TNIP3: variants seen among roughly 807,000 people sequenced by gnomAD.
TNIP3 encodes the protein TNFAIP3-interacting protein 3.
TNIP3 carries 34 observed loss-of-function variants against 54.1 expected under a neutral mutation model. The ratio of observed to expected loss-of-function variants is 0.63; its 90% CI spans 0.48 to 0.84. The LOEUF (loss-of-function observed/expected upper bound fraction) is 0.84. Among genes scored for constraint, TNIP3 ranks in the 40% least tolerant of loss-of-function variants. The probability of loss-of-function intolerance (pLI) is 0.00; values close to 1 mark genes in which losing one functional copy is unlikely to be tolerated. For missense variants in TNIP3, 366 were observed against 387.6 expected (o/e 0.94, Z 0.47); for synonymous variants, 134 against 136.8 (o/e 0.98, Z 0.14).
chr4:121,170,502 C>T (rs1250869253), intron 3 of TNIP3, among the ~76,000 whole-genome samples: 2 of 152,090 alleles, frequency 1.3e-5, no homozygotes, highest in African/African-American at 2.4e-5. Flanking sequence ...TCTTTTTATT[C>T]ATTTTATAGG....
intron 10 of TNIP3, among the ~76,000 whole-genome samples, chr4:121,136,205 T>A (rs1450642612): frequency 6.6e-6 from 1 of 152,200 alleles, no homozygotes. Flanking sequence ...ATATTCTAAA[T>A]GTCAAATGAG....
chr4:121,132,213 AACACAC>A lies in TNIP3; in HGVS notation c.*412_*417del, dbSNP rs10561132. ...AACTGCAGAAATTTTTACCCCAGGA[AACACAC>A]ACACACACACACACACACACACACA... On this transcript the variant is annotated 3_prime_UTR_variant, in exon 11 of 11. Transcript: ENST00000057513. 0.013 allele frequency: 1,963 copies of A among 147,028 alleles called. 27 individuals are homozygous for A. Among genetic ancestry groups the A allele is most frequent in the African/African-American group, 0.035 (1,401 of 39,670 alleles). The allele number at this position is 147,028 out of a possible 1,614,324, so 9.1% of individuals were successfully genotyped here.
At chr4:121,200,499 G>A (rs988309670) in intron 2 of TNIP3, among the ~76,000 whole-genome samples, 3 of 152,030 alleles carry the variant, frequency 2.0e-5, no homozygotes, top group East Asian at 1.9e-4. Flanking sequence ...GCAGCTGTGG[G>A]GTCCCTGGCA....
At chr4:121,204,323 A>G (rs1364661863) in intron 2 of TNIP3, among the ~76,000 whole-genome samples, 1 of 152,060 alleles carries the variant, frequency 6.6e-6, no homozygotes, top group African/African-American at 2.4e-5. Flanking sequence ...GAGTGCAACC[A>G]TTTGCCTCTT....
At chr4:121,223,093 C>G (rs1172239583) in intron 1 of TNIP3, among the ~76,000 whole-genome samples, 1 of 152,192 alleles carries the variant, frequency 6.6e-6, no homozygotes, top group Admixed American at 6.5e-5. Flanking sequence ...GCGCAAGCCA[C>G]CGCGCCCAGC....
chr4:121,158,244 C>G (rs1244829929), intron 3 of TNIP3, among the ~76,000 whole-genome samples: 1 of 152,214 alleles, frequency 6.6e-6, no homozygotes, highest in Non-Finnish European at 1.5e-5. Flanking sequence ...CACATTTTCA[C>G]TGTTACCACC....
intron 2 of TNIP3, among the ~76,000 whole-genome samples, chr4:121,192,526 C>T (rs1380436090): frequency 6.6e-6 from 1 of 152,102 alleles, no homozygotes; most frequent in Admixed American, 6.5e-5. Flanking sequence ...ACCTATTTGA[C>T]GAGAACTGCT....
intron 2 of TNIP3, among the ~76,000 whole-genome samples, chr4:121,183,919 T>C (rs1035278247): frequency 6.6e-6 from 1 of 152,108 alleles, no homozygotes; most frequent in Non-Finnish European, 1.5e-5. Flanking sequence ...TATTACAATA[T>C]AATAATAATA....
chr4:121,187,908 T>C (rs1404396622), intron 2 of TNIP3, among the ~76,000 whole-genome samples: 1 of 152,190 alleles, frequency 6.6e-6, no homozygotes, highest in African/African-American at 2.4e-5. Flanking sequence ...CTTTTTTTGG[T>C]CTAAGAGTAC....
chr4:121,180,039 G>A (rs1724587114), intron 3 of TNIP3, among the ~76,000 whole-genome samples: 1 of 152,070 alleles, frequency 6.6e-6, no homozygotes, highest in South Asian at 2.1e-4. Context: ...AGCCAGTGAA[G>A]GTGAGTGAGA....
chr4:121,227,441 T>A lies in TNIP3; in HGVS notation c.-54A>T, dbSNP rs1727305995. 19 of 1,472,700 alleles carry A rather than the reference T, an allele frequency of 1.3e-5. 1 individual carries two copies. In the South Asian group the frequency reaches 2.3e-4, roughly 18 times the overall value. 91.2% of individuals were successfully genotyped at this position (1,472,700 alleles called of 1,614,324 possible). A position where few individuals can be genotyped will look rare whatever the true frequency, so the allele number is the denominator to read the frequency against. On this transcript the variant is annotated 5_prime_UTR_variant, in exon 1 of 13. Transcript: ENST00000509841. ...TAGGTAAGCGTATTACAAGGTCTAA[T>A]ACGGAGACCTGTCTTTAAGACTCTT...
At chr4:121,177,139 C>T (rs1724405701) in intron 3 of TNIP3, among the ~76,000 whole-genome samples, 1 of 152,176 alleles carries the variant, frequency 6.6e-6, no homozygotes, top group Non-Finnish European at 1.5e-5. Context: ...CATCCTGTCC[C>T]TTTCTTTTAT....
chr4:121,221,601 CT>C (rs1304892466), upstream of TNIP3, among the ~76,000 whole-genome samples: 2 of 152,068 alleles, frequency 1.3e-5, no homozygotes, highest in African/African-American at 4.8e-5. Context: ...ACTTAAGGAC[CT>C]TTGATTACAG....
At chr4:121,143,636 T>C (rs1267482468) in intron 7 of TNIP3, among the ~76,000 whole-genome samples, 1 of 152,232 alleles carries the variant, frequency 6.6e-6, no homozygotes, top group Non-Finnish European at 1.5e-5. Flanking sequence ...TTAGTGAATA[T>C]TGAACCACTG....
At chr4:121,198,498 T>C (rs1725718637) in intron 2 of TNIP3, among the ~76,000 whole-genome samples, 1 of 152,214 alleles carries the variant, frequency 6.6e-6, no homozygotes, top group Non-Finnish European at 1.5e-5. Flanking sequence ...TGAGCACCTA[T>C]TATGGGCCAG....
intron 3 of TNIP3, among the ~76,000 whole-genome samples, chr4:121,176,956 C>G (rs1195968915): frequency 6.6e-6 from 1 of 152,146 alleles, no homozygotes; most frequent in Non-Finnish European, 1.5e-5. Flanking sequence ...AGTTCTGCCT[C>G]TAAGTTAAAA....
At chr4:121,161,320 C>A (rs544501720) in intron 1 of TNIP3, 104 bp from the exon 2 acceptor site, 2 of 945,796 alleles carry the variant, frequency 2.1e-6, no homozygotes, top group Non-Finnish European at 3.1e-6. Flanking sequence ...TCTCCTGTTG[C>A]GATTTAAAAA....
At chr4:121,158,560 C>T (rs922573679) in intron 3 of TNIP3, 127 bp downstream of exon 3, 32 of 752,322 alleles carry the variant, frequency 4.3e-5, no homozygotes, top group Middle Eastern at 4.6e-4. Flanking sequence ...AGCACCCTTC[C>T]CGTCATTTTC....
chr4:121,221,332 A>G (rs1162468276), upstream of TNIP3, among the ~76,000 whole-genome samples: 1 of 152,188 alleles, frequency 6.6e-6, no homozygotes, highest in African/African-American at 2.4e-5. Context: ...TTTTATCTCC[A>G]TAAATATTAA....
Sources: gnomAD v4.1 joint callset for allele counts (sites outside exome capture counted in the v4.1 genomes callset) on GRCh38, gnomAD v4.1.1 for gene constraint, MANE v1.5 for transcripts, NCBI Gene and HGNC (gene_info 2026-07-23, HGNC 2026-07-21) for gene names.